LARP4: variants seen among roughly 807,000 people sequenced by gnomAD.
LARP4 encodes the protein La ribonucleoprotein 4, also known as la-related protein 4.
LARP4 carries 29 observed loss-of-function variants against 92.9 expected under a neutral mutation model. That is an observed-to-expected ratio of 0.31 (90% CI 0.23 to 0.43). LARP4 has a LOEUF of 0.43. Among genes scored for constraint, LARP4 ranks in the 20% least tolerant of loss-of-function variants. The pLI, the probability that LARP4 is intolerant of heterozygous loss-of-function variation, is 1.00. For missense variants in LARP4, 732 were observed against 860.0 expected, an observed-to-expected ratio of 0.85 and a Z score of 1.86; for synonymous variants, 279 against 284.1, an observed-to-expected ratio of 0.98 and a Z score of 0.18.
At chr12:50,462,817 T>C (rs960745585) in intron 12 of LARP4, among the ~76,000 whole-genome samples, 187 bp downstream of exon 12, 2 of 152,120 alleles carry the variant, frequency 1.3e-5, no homozygotes, top group Admixed American at 6.6e-5. Flanking sequence ...CTAGCACACA[T>C]GTAGTAAGGA....
intron 1 of LARP4, 67 bp downstream of exon 1, chr12:50,401,095 C>T: frequency 6.3e-7 from 1 of 1,580,340 alleles, no homozygotes. Flanking sequence ...CCGGCCGGTC[C>T]CACCGCCATG....
rs1349614822 is a variant in LARP4 at position 50,477,202 on chromosome 12, CATAATTTCTCAGTGA to C, written c.*1343_*1357del. Reference sequence around the variant, plus strand: ...GAAAGATGGTTGAAGAAAATTAGTGCATAATTTCTCAGTGAATAAAGTTGTAGCTCTCATATACTA... The same window carrying C: ...GAAAGATGGTTGAAGAAAATTAGTGCATAAAGTTGTAGCTCTCATATACTA... On this transcript the variant is annotated 3_prime_UTR_variant, in exon 16 of 16. Transcript: ENST00000398473. The C allele has an allele frequency of 6.6e-6, 1 of 152,314 alleles. No individual in the cohort carries two copies. The highest frequency in any genetic ancestry group is 2.4e-5 in the African/African-American group (1 of 41,402). The allele number at this position is 152,314 out of a possible 1,614,324, so 9.4% of individuals were successfully genotyped here. A position where few individuals can be genotyped will look rare whatever the true frequency, so the allele number is the denominator to read the frequency against.
chr12:50,420,479 A>G (rs1229627166), intron 1 of LARP4, among the ~76,000 whole-genome samples: 1 of 152,244 alleles, frequency 6.6e-6, no homozygotes, highest in African/African-American at 2.4e-5. Context: ...GAACGATTTC[A>G]GGGAGTTCAG....
At chr12:50,438,313 A>G (rs903953907) in intron 6 of LARP4, among the ~76,000 whole-genome samples, 3 of 152,152 alleles carry the variant, frequency 2.0e-5, no homozygotes, top group Non-Finnish European at 2.9e-5. Flanking sequence ...CCTGGCTAAT[A>G]TGGTGAAACC....
At chr12:50,401,347 TG>T (rs973930447) in intron 1 of LARP4, 18 of 304,320 alleles carry the variant, frequency 5.9e-5, no homozygotes, top group Non-Finnish European at 9.3e-5. Context: ...ATTGGGGGGT[TG>T]GGGGGCGGAG....
chr12:50,439,658 A>C lies in LARP4; in HGVS notation c.640-781A>C, dbSNP rs1950923997. Among the ~76,000 whole-genome samples, 2 of 152,072 alleles carry C rather than the reference A, an allele frequency of 1.3e-5. 1 individual carries two copies. The highest frequency in any genetic ancestry group is 4.1e-4 in the South Asian group (2 of 4,836). On this transcript the variant is annotated intron_variant, in intron 6 of 15. Coordinates refer to ENST00000398473, the MANE Select transcript of LARP4 (RefSeq NM_052879.5). Reference sequence around the variant, plus strand: ...GCAATTCCCCTACTTCAATCTCCCAAAGTGCTGAGATTACAGAAGTGAGCC... The same window carrying C: ...GCAATTCCCCTACTTCAATCTCCCACAGTGCTGAGATTACAGAAGTGAGCC...
At chr12:50,463,278 C>G (rs755933870) in intron 12 of LARP4, among the ~76,000 whole-genome samples, 1 of 151,532 alleles carries the variant, frequency 6.6e-6, no homozygotes, top group African/African-American at 2.4e-5. Context: ...AGGACATCTT[C>G]AAAGCTCCAA....
intron 1 of LARP4, chr12:50,412,442 G>A (rs911388809): frequency 9.2e-6 from 9 of 973,620 alleles, no homozygotes; most frequent in Non-Finnish European, 1.1e-5. Context: ...TTCTGTTTCT[G>A]ATAGTAAATA....
intron 10 of LARP4, among the ~76,000 whole-genome samples, chr12:50,455,712 CAG>C (rs1451447592): frequency 6.6e-6 from 1 of 152,076 alleles, no homozygotes; most frequent in African/African-American, 2.4e-5. Flanking sequence ...CTTTAATAGT[CAG>C]AGTTTTTGGA....
chr12:50,444,462 A>G (rs536730474), intron 8 of LARP4, among the ~76,000 whole-genome samples: 1 of 152,314 alleles, frequency 6.6e-6, no homozygotes, highest in East Asian at 1.9e-4. Context: ...CATAAGTTGC[A>G]AGAAAATTCA....
At chr12:50,462,554 C>T (rs1379806036) in intron 11 of LARP4, 28 bp from the exon 12 acceptor site, 2 of 1,320,250 alleles carry the variant, frequency 1.5e-6, no homozygotes, top group South Asian at 1.3e-5. Context: ...TCCACCCCAC[C>T]CCACCCCCAC....
intron 10 of LARP4, among the ~76,000 whole-genome samples, chr12:50,458,300 T>C (rs1954707396): frequency 6.6e-6 from 1 of 152,118 alleles, no homozygotes; most frequent in South Asian, 2.1e-4. Context: ...TGTTTGTTTT[T>C]GTATTTTTAG....
intron 6 of LARP4, among the ~76,000 whole-genome samples, chr12:50,439,898 G>A (rs749923700): frequency 5.3e-5 from 8 of 151,808 alleles, no homozygotes; most frequent in Non-Finnish European, 1.0e-4. Context: ...TACTAATTAC[G>A]GAAAAGAGAA....
rs148919268 is a variant in LARP4 at position 50,417,114 on chromosome 12, A to G, written c.19-10648A>G. On this transcript the variant is annotated intron_variant, in intron 1 of 15. Transcript: ENST00000398473. ...CAAATATGAAAGTGTCTTGCTTTTG[A>G]AAATTGATACTTATGCCAGGTATGG... is the stretch of plus-strand genomic sequence containing the variant. Among the ~76,000 whole-genome samples, 1,151 of 152,130 alleles carry G rather than the reference A, an allele frequency of 7.6e-3. 15 individuals are homozygous for G. Among genetic ancestry groups the G allele is most frequent in the African/African-American group, 0.026 (1,062 of 41,474 alleles).
At chr12:50,425,179 G>C (rs553447107) in intron 1 of LARP4, among the ~76,000 whole-genome samples, 1 of 152,230 alleles carries the variant, frequency 6.6e-6, no homozygotes, top group Admixed American at 6.6e-5. Flanking sequence ...ACCTTGAAAT[G>C]ATGTTTTTGC....
At chr12:50,437,578 C>CT (rs1236143435) in intron 5 of LARP4, among the ~76,000 whole-genome samples, 157 bp from the exon 6 acceptor site, 2 of 152,102 alleles carry the variant, frequency 1.3e-5, no homozygotes, top group African/African-American at 4.8e-5. Context: ...AATTGTCATA[C>CT]CTATAATCTT....
At chr12:50,409,734 C>T (rs1945492513) in intron 1 of LARP4, among the ~76,000 whole-genome samples, 1 of 149,920 alleles carries the variant, frequency 6.7e-6, no homozygotes, top group Admixed American at 6.7e-5. Flanking sequence ...CACTGCACTC[C>T]AGCCTGGATG....
intron 15 of LARP4, 96 bp from the exon 16 acceptor site, chr12:50,475,430 A>G (rs1393071905): frequency 1.6e-5 from 16 of 1,009,146 alleles, no homozygotes; most frequent in Non-Finnish European, 2.2e-5. Context: ...TCTGGAAGAT[A>G]ATCTGTGGTT....
intron 1 of LARP4, among the ~76,000 whole-genome samples, chr12:50,418,346 A>G (rs1592854861): frequency 6.6e-6 from 1 of 152,148 alleles, no homozygotes; most frequent in African/African-American, 2.4e-5. Context: ...GGATTACATA[A>G]TTATTGGGTG....
Sources: gnomAD v4.1 joint callset for allele counts (sites outside exome capture counted in the v4.1 genomes callset) on GRCh38, gnomAD v4.1.1 for gene constraint, MANE v1.5 for transcripts, NCBI Gene and HGNC (gene_info 2026-07-23, HGNC 2026-07-21) for gene names.